The following UBE2E3 variants were observed in gnomAD, a reference collection of about 807,000 sequenced individuals.
UBE2E3 encodes the protein ubiquitin-conjugating enzyme E2 E3.
A neutral mutation model predicts 23.6 loss-of-function variants in UBE2E3; 5 were observed. The ratio of observed to expected loss-of-function variants is 0.21; its 90% CI spans 0.11 to 0.44. The LOEUF is 0.44. Among genes scored for constraint, UBE2E3 ranks in the 20% least tolerant of loss-of-function variants. The pLI, the probability that UBE2E3 is intolerant of heterozygous loss-of-function variation, is 0.99. For synonymous variants in UBE2E3, 78 were observed against 87.5 expected (o/e 0.89, Z 0.60); for missense variants, 81 against 249.8 (o/e 0.32, Z 4.55).
intron 3 of UBE2E3, among the ~76,000 whole-genome samples, chr2:181,008,556 G>T (rs1251612894): frequency 6.6e-6 from 1 of 152,206 alleles, no homozygotes; most frequent in South Asian, 2.1e-4. Context: ...GTCCTGACTG[G>T]GTAAGGGAAT....
At chr2:180,998,917 T>C (rs1402062386) in intron 3 of UBE2E3, among the ~76,000 whole-genome samples, 2 of 152,224 alleles carry the variant, frequency 1.3e-5, no homozygotes, top group Non-Finnish European at 2.9e-5. Context: ...TTTTTCAATT[T>C]ATACTTTTTA....
chr2:181,005,317 T>C (rs1685118327), intron 3 of UBE2E3, among the ~76,000 whole-genome samples: 1 of 152,226 alleles, frequency 6.6e-6, no homozygotes, highest in Non-Finnish European at 1.5e-5. Context: ...AGCGTGAATC[T>C]TGGCCCCAGT....
chr2:180,992,812 C>T (rs538532433), intron 3 of UBE2E3, among the ~76,000 whole-genome samples: 204 of 151,534 alleles, frequency 1.3e-3, no homozygotes, highest in Middle Eastern at 3.4e-3. Flanking sequence ...TAGGCATGTG[C>T]CACCACACTC....
rs926931648 is a variant in UBE2E3 at position 181,055,890 on chromosome 2, C to T, written c.246-1803C>T. Among the ~76,000 whole-genome samples the T allele has an allele frequency of 3.6e-4, 54 of 151,596 alleles. 1 individual carries two copies. The highest frequency in any genetic ancestry group is 1.2e-3 in the African/African-American group (49 of 41,302). On this transcript the variant is annotated intron_variant, in intron 3 of 5. Transcript: ENST00000410062. Reference sequence around the variant, plus strand: ...TGAGTTTAGATTTTATTTGAACTATCTCTCTTGTTTGTATTTTATAAAGTA... The same window carrying T: ...TGAGTTTAGATTTTATTTGAACTATTTCTCTTGTTTGTATTTTATAAAGTA...
At chr2:181,055,492 G>T (rs978537772) in intron 3 of UBE2E3, among the ~76,000 whole-genome samples, 9 of 151,602 alleles carry the variant, frequency 5.9e-5, no homozygotes, top group Non-Finnish European at 8.9e-5. Flanking sequence ...ACATTTATGA[G>T]AATGAAAAGA....
At chr2:181,035,099 G>T (rs1003911879) in intron 3 of UBE2E3, among the ~76,000 whole-genome samples, 27 of 152,056 alleles carry the variant, frequency 1.8e-4, no homozygotes, top group African/African-American at 6.0e-4. Context: ...GTGCTTTATG[G>T]TTAGTATTCA....
chr2:181,015,184 T>C (rs763876546), intron 3 of UBE2E3, among the ~76,000 whole-genome samples: 1 of 152,206 alleles, frequency 6.6e-6, no homozygotes, highest in African/African-American at 2.4e-5. Context: ...TGGAATCCTA[T>C]ACATGTGAAT....
At chr2:181,047,592 C>A (rs1381088543) in intron 3 of UBE2E3, among the ~76,000 whole-genome samples, 1 of 152,102 alleles carries the variant, frequency 6.6e-6, no homozygotes, top group Non-Finnish European at 1.5e-5. Flanking sequence ...TCCTTTTCCT[C>A]ACTTGTCCTA....
At chr2:180,988,856 C>A (rs919553778) in intron 3 of UBE2E3, among the ~76,000 whole-genome samples, 1 of 151,920 alleles carries the variant, frequency 6.6e-6, no homozygotes, top group East Asian at 1.9e-4. Flanking sequence ...TTAGTGTTTG[C>A]TACAAGATTG....
chr2:181,057,108 G>A (rs1021872262), intron 3 of UBE2E3, among the ~76,000 whole-genome samples: 2 of 151,804 alleles, frequency 1.3e-5, no homozygotes, highest in Non-Finnish European at 2.9e-5. Flanking sequence ...CATATTAAAG[G>A]AGAATAAAGA....
intron 3 of UBE2E3, among the ~76,000 whole-genome samples, chr2:181,049,949 A>G (rs1386853575): frequency 1.3e-5 from 2 of 152,010 alleles, no homozygotes; most frequent in African/African-American, 2.4e-5. Context: ...AAGAAAAAAT[A>G]TATTTATTTG....
chr2:180,996,638 C>G (rs948226554), intron 3 of UBE2E3, among the ~76,000 whole-genome samples: 1 of 151,722 alleles, frequency 6.6e-6, no homozygotes, highest in African/African-American at 2.4e-5. Context: ...CTCTTCCCCC[C>G]CATTTCCAGG....
At chr2:181,004,773 C>G (rs558732237) in intron 3 of UBE2E3, among the ~76,000 whole-genome samples, 2 of 152,344 alleles carry the variant, frequency 1.3e-5, no homozygotes, top group African/African-American at 4.8e-5. Context: ...GCATCATAGC[C>G]TCCTATATTG....
intron 3 of UBE2E3, among the ~76,000 whole-genome samples, chr2:181,030,664 T>C (rs1397741622): frequency 6.6e-6 from 1 of 152,086 alleles, no homozygotes; most frequent in Non-Finnish European, 1.5e-5. Flanking sequence ...TTGATAGAAG[T>C]CTCCTGTAAA....
intron 3 of UBE2E3, among the ~76,000 whole-genome samples, chr2:181,023,910 T>C (rs373154039): frequency 6.6e-6 from 1 of 152,150 alleles, no homozygotes; most frequent in Non-Finnish European, 1.5e-5. Context: ...ACTACTATTA[T>C]TATTATCCTT....
intron 3 of UBE2E3, among the ~76,000 whole-genome samples, chr2:180,999,278 A>G (rs1307063700): frequency 1.3e-5 from 2 of 152,236 alleles, no homozygotes; most frequent in African/African-American, 2.4e-5. Flanking sequence ...GAAAAACTGA[A>G]CATTTCAAGA....
chr2:181,049,479 CA>C (rs1686764780), intron 3 of UBE2E3, among the ~76,000 whole-genome samples: 1 of 152,082 alleles, frequency 6.6e-6, no homozygotes, highest in Middle Eastern at 3.4e-3. Flanking sequence ...TATAAGTGTA[CA>C]GTACTTTGCA....
intron 5 of UBE2E3, among the ~76,000 whole-genome samples, chr2:181,062,395 C>T (rs1687185062): frequency 6.6e-6 from 1 of 151,560 alleles, no homozygotes; most frequent in Non-Finnish European, 1.5e-5. Flanking sequence ...TTTGAAATAG[C>T]ATGGTATTGT....
At chr2:181,061,031 A>G (rs1687138320) in intron 5 of UBE2E3, among the ~76,000 whole-genome samples, 1 of 151,396 alleles carries the variant, frequency 6.6e-6, no homozygotes, top group Non-Finnish European at 1.5e-5. Context: ...TGTTAATGGC[A>G]TACCACTCTA....
Sources: gnomAD v4.1 joint callset for allele counts (sites outside exome capture counted in the v4.1 genomes callset) on GRCh38, gnomAD v4.1.1 for gene constraint, MANE v1.5 for transcripts, NCBI Gene and HGNC (gene_info 2026-07-23, HGNC 2026-07-21) for gene names.